Variants in MIGA1 observed in about 807,000 individuals in gnomAD.
MIGA1 encodes family with sequence similarity 73, member A.
Under a neutral mutation model 82.0 loss-of-function variants are expected in MIGA1, and 58 were observed. That is an observed-to-expected ratio of 0.71 (90% CI 0.57 to 0.88). MIGA1 has a LOEUF of 0.88. Among genes scored for constraint, MIGA1 ranks in the 40% least tolerant of loss-of-function variants. The pLI is 0.00. For synonymous variants in MIGA1, 249 were observed against 253.6 expected (o/e 0.98, Z 0.17); for missense variants, 751 against 749.1 (o/e 1.00, Z -0.03).
At chr1:77,790,225 G>T (rs1344752217) in intron 2 of MIGA1, among the ~76,000 whole-genome samples, 1 of 152,100 alleles carries the variant, frequency 6.6e-6, no homozygotes, top group Non-Finnish European at 1.5e-5. Context: ...TCAAGATCCA[G>T]AACTCTTCTA....
chr1:77,843,302 T>C lies in MIGA1; in HGVS notation c.896-5T>C, dbSNP rs1304992389. On this transcript the variant is annotated splice_polypyrimidine_tract_variant and splice_region_variant and intron_variant, in intron 7 of 15. Coordinates refer to ENST00000370791, the MANE Select transcript of MIGA1 (RefSeq NM_198549.4). ...TTTCTGAACTTTTCACCTTTTACTTTTAAGATAAAGATACAGATATCACCA... is the reference window on the plus strand; with the variant it reads ...TTTCTGAACTTTTCACCTTTTACTTCTAAGATAAAGATACAGATATCACCA... 1 of 1,600,554 alleles carries C rather than the reference T, an allele frequency of 6.2e-7. No individual in the cohort carries two copies. The highest frequency in any genetic ancestry group is 2.2e-5 in the East Asian group (1 of 44,708).
intron 4 of MIGA1, 140 bp from the exon 5 acceptor site, chr1:77,806,835 C>A: frequency 2.7e-4 from 141 of 514,406 alleles, no homozygotes; most frequent in Middle Eastern, 1.1e-3. Context: ...TGATTATCAT[C>A]AGAATTATTT....
chr1:77,864,625 G>A (rs1226289386), intron 13 of MIGA1, among the ~76,000 whole-genome samples: 4 of 152,138 alleles, frequency 2.6e-5, no homozygotes, highest in Non-Finnish European at 5.9e-5. Context: ...GCAGTAAGCC[G>A]AGATCGTGCC....
intron 7 of MIGA1, among the ~76,000 whole-genome samples, chr1:77,828,505 G>A (rs1684115711): frequency 6.6e-6 from 1 of 152,120 alleles, no homozygotes. Flanking sequence ...TAAGTAAATG[G>A]TATAATTTCA....
rs1001533199 is a variant in MIGA1, at chr1:77,878,101, C to T, written c.*3037C>T. 6.6e-6 allele frequency: 1 copy of T among 152,042 alleles called. No homozygotes were observed. Among genetic ancestry groups the T allele is most frequent in the Non-Finnish European group, 1.5e-5 (1 of 68,004 alleles). The allele number at this position is 152,042 out of a possible 1,614,324, so 9.4% of individuals were successfully genotyped here. ...ACTGCATGCAGAAGGGTACTTAAGA[C>T]ATATATAACAGGCCAGGAGCAGTGG... is the stretch of plus-strand genomic sequence containing the variant. On this transcript the variant is annotated 3_prime_UTR_variant, in exon 16 of 16. Coordinates refer to ENST00000370791, the MANE Select transcript of MIGA1 (RefSeq NM_198549.4).
chr1:77,780,732 A>G lies in MIGA1; in HGVS notation c.81+996A>G, dbSNP rs563855800. Among the ~76,000 whole-genome samples, 44 of 152,012 alleles carry G rather than the reference A, an allele frequency of 2.9e-4. No homozygotes were observed. The South Asian group carries it at 8.3e-3, about 29-fold the overall frequency. ...TAATCATGAAACCCCCTTCATGTTT[A>G]TTTTTATTATGCTTCTGAAAGCAAA... On this transcript the variant is annotated intron_variant, in intron 1 of 15. Transcript: ENST00000370791.
At chr1:77,841,504 G>T (rs1684625861) in intron 7 of MIGA1, among the ~76,000 whole-genome samples, 1 of 150,008 alleles carries the variant, frequency 6.7e-6, no homozygotes, top group Non-Finnish European at 1.5e-5. Context: ...AGTAGAGCTT[G>T]GAATATAATT....
intron 2 of MIGA1, among the ~76,000 whole-genome samples, chr1:77,797,357 C>G (rs1324772053): frequency 6.6e-6 from 1 of 152,188 alleles, no homozygotes; most frequent in Non-Finnish European, 1.5e-5. Context: ...GTCTATTCTA[C>G]TGTATTGATC....
chr1:77,801,530 A>C (rs758357008), intron 3 of MIGA1, 22 bp downstream of exon 3: 25 of 1,548,620 alleles, frequency 1.6e-5, no homozygotes, highest in Non-Finnish European at 2.1e-5. Flanking sequence ...TAGTTGAAGT[A>C]AGTGTACAAA....
chr1:77,866,290 T>C (rs958521327), intron 13 of MIGA1, 48 bp from the exon 14 acceptor site: 12 of 1,521,462 alleles, frequency 7.9e-6, no homozygotes, highest in Non-Finnish European at 1.1e-5. Flanking sequence ...AAAATGGAAA[T>C]GTTTATATAG....
intron 8 of MIGA1, among the ~76,000 whole-genome samples, chr1:77,857,743 T>G (rs1218511800): frequency 4.7e-5 from 7 of 148,944 alleles, no homozygotes; most frequent in Admixed American, 6.7e-5. Flanking sequence ...TTTTTTTTTT[T>G]GCTTAGCTGG....
At chr1:77,798,826 A>G (rs1022962305) in intron 2 of MIGA1, among the ~76,000 whole-genome samples, 2 of 152,200 alleles carry the variant, frequency 1.3e-5, no homozygotes, top group African/African-American at 4.8e-5. Context: ...ATATGATCAC[A>G]TTCTGATGTT....
At chr1:77,779,876 TGGAGCGG>T in intron 1 of MIGA1, 140 bp downstream of exon 1, 1 of 1,425,758 alleles carries the variant, frequency 7.0e-7, no homozygotes, top group Non-Finnish European at 9.1e-7. Context: ...GAGTGCCAGG[TGGAGCGG>T]CGGAAAGCCA....
intron 2 of MIGA1, among the ~76,000 whole-genome samples, chr1:77,784,071 A>G (rs1337582389): frequency 6.6e-6 from 1 of 152,202 alleles, no homozygotes; most frequent in Non-Finnish European, 1.5e-5. Context: ...GTTGATGGAC[A>G]TTGGATTGCG....
At chr1:77,860,149 AT>A in intron 11 of MIGA1, 23 bp downstream of exon 11, 1 of 1,534,742 alleles carries the variant, frequency 6.5e-7, no homozygotes, top group Non-Finnish European at 8.9e-7. Context: ...TGTTGGCAAG[AT>A]TTTTACCATT....
intron 7 of MIGA1, among the ~76,000 whole-genome samples, chr1:77,843,061 G>C (rs2101889457): frequency 6.6e-6 from 1 of 152,248 alleles, no homozygotes; most frequent in Non-Finnish European, 1.5e-5. Context: ...GTACTAAAAA[G>C]CCCTTTTAAT....
chr1:77,821,308 C>T (rs1683799088), intron 7 of MIGA1, among the ~76,000 whole-genome samples: 1 of 151,818 alleles, frequency 6.6e-6, no homozygotes, highest in African/African-American at 2.4e-5. Flanking sequence ...TTCTTTTGGA[C>T]CAAGGGTATA....
intron 3 of MIGA1, among the ~76,000 whole-genome samples, chr1:77,802,929 T>G (rs1247235591): frequency 6.6e-6 from 1 of 152,212 alleles, no homozygotes; most frequent in Non-Finnish European, 1.5e-5. Flanking sequence ...GCCTGTATTT[T>G]GTTAAATTTA....
rs757682711 is a variant in MIGA1 at position 77,791,243 on chromosome 1, T to TAAAAAAAA, written c.195+7907_195+7914dup. Among the ~76,000 whole-genome samples, 17 of 116,912 alleles carry TAAAAAAAA rather than the reference T, an allele frequency of 1.5e-4. 1 individual carries two copies. Among genetic ancestry groups the TAAAAAAAA allele is most frequent in the East Asian group, 5.1e-4 (2 of 3,894 alleles). The allele number at this position is 116,912 out of a possible 152,430, so 76.7% of individuals were successfully genotyped here. On this transcript the variant is annotated intron_variant, in intron 2 of 15. Coordinates refer to ENST00000370791, the MANE Select transcript of MIGA1 (RefSeq NM_198549.4). ...GGCAACAGAGCAAGACCCTGTCTCTTAAAAAAAAAAAAAAAAAAAAAACAA... is the reference window on the plus strand; with the variant it reads ...GGCAACAGAGCAAGACCCTGTCTCTTAAAAAAAAAAAAAAAAAAAAAAAAAAAAAACAA...
Sources: gnomAD v4.1 joint callset for allele counts (sites outside exome capture counted in the v4.1 genomes callset) on GRCh38, gnomAD v4.1.1 for gene constraint, MANE v1.5 for transcripts, NCBI Gene and HGNC (gene_info 2026-07-23, HGNC 2026-07-21) for gene names.